The following DMXL1 variants were observed in gnomAD, a reference collection of about 807,000 sequenced individuals.
The protein encoded by DMXL1 is dmX-like protein 1.
A neutral mutation model predicts 319.2 loss-of-function variants in DMXL1; 99 were observed. The observed-to-expected ratio is 0.31, with a 90% CI of 0.26 to 0.37. The LOEUF (loss-of-function observed/expected upper bound fraction) is 0.37, where lower values mean the gene tolerates loss of function less well. Among genes scored for constraint, DMXL1 ranks in the 10% least tolerant of loss-of-function variants. DMXL1 has a pLI of 1.00. For synonymous variants in DMXL1, 1,385 were observed against 1,235.2 expected (o/e 1.12, Z -2.54); for missense variants, 3,745 against 3,595.6 (o/e 1.04, Z -1.06).
intron 41 of DMXL1, 63 bp from the exon 42 acceptor site, chr5:119,240,356 A>T: frequency 1.7e-6 from 2 of 1,178,730 alleles, no homozygotes; most frequent in Non-Finnish European, 1.2e-6. Flanking sequence ...ACAGTTATAT[A>T]TGACATATTT....
intron 1 of DMXL1, among the ~76,000 whole-genome samples, chr5:119,082,270 C>T (rs1011010750): frequency 6.6e-6 from 1 of 151,860 alleles, no homozygotes; most frequent in Non-Finnish European, 1.5e-5. Context: ...TGCCACCATG[C>T]CTGGCTTATT....
chr5:119,158,604 A>G (rs1200809310), intron 19 of DMXL1, among the ~76,000 whole-genome samples: 1 of 152,176 alleles, frequency 6.6e-6, no homozygotes, highest in Non-Finnish European at 1.5e-5. Flanking sequence ...GTTGGGTATG[A>G]TGTTTAGCTC....
chr5:119,230,236 G>C (rs1786422913), intron 38 of DMXL1, among the ~76,000 whole-genome samples: 1 of 152,136 alleles, frequency 6.6e-6, no homozygotes, highest in Admixed American at 6.5e-5. Context: ...ATTATATTTA[G>C]TGCTGGTAAC....
intron 39 of DMXL1, among the ~76,000 whole-genome samples, chr5:119,233,878 TTG>T (rs1355855724): frequency 1.3e-5 from 2 of 152,270 alleles, no homozygotes; most frequent in African/African-American, 2.4e-5. Flanking sequence ...CCCGATATTG[TTG>T]TGATTTTTAC....
intron 1 of DMXL1, among the ~76,000 whole-genome samples, chr5:119,097,739 A>G (rs1424865457): frequency 6.6e-6 from 1 of 152,082 alleles, no homozygotes; most frequent in African/African-American, 2.4e-5. Context: ...AAAAAAGTGG[A>G]CAGAGTTCAG....
chr5:119,134,052 G>C lies in DMXL1; in HGVS notation c.2128G>C (p.Val710Leu), dbSNP rs1464345915. The C allele has an allele frequency of 1.9e-6, 3 of 1,614,186 alleles. No individual in the cohort carries two copies. The highest frequency in any genetic ancestry group is 2.5e-6 in the Non-Finnish European group (3 of 1,180,032). Residue 710 changes from valine to leucine, a missense_variant, in exon 12 of 44, where the codon GTT (valine) becomes CTT (leucine). Val to Leu is a conservative substitution (Grantham distance 32). Transcript: ENST00000539542. ...TTACAGTGAGCTTATTCTGTGGAGG[G>C]TTGACCCAGTTGGGCCATTGTCTTT... ...AVYSELILWR[V>L]DPVGPLSFSG...
rs1428821501 is a variant in DMXL1, at chr5:119,143,855, A to G, written c.2391A>G (p.Glu797=). Residue 797 remains glutamate (E), a synonymous_variant, in exon 14 of 44, where the codon GAA becomes GAG. Transcript: ENST00000539542. ...SNPEISKYVG[E]VFNIVSQQST... Reference sequence around the variant, plus strand: ...AAAAAAAACAGAAATATGTTGGTGAAGTCTTTAACATCGTCAGTCAACAAT... The same window carrying G: ...AAAAAAAACAGAAATATGTTGGTGAGGTCTTTAACATCGTCAGTCAACAAT... 1.3e-6 allele frequency: 2 copies of G among 1,579,692 alleles called. No homozygotes were observed. Among genetic ancestry groups the G allele is most frequent in the African/African-American group, 2.7e-5 (2 of 73,346 alleles).
chr5:119,226,775 GT>G (rs1461038133), intron 38 of DMXL1, among the ~76,000 whole-genome samples: 1 of 152,142 alleles, frequency 6.6e-6, no homozygotes, highest in Non-Finnish European at 1.5e-5. Context: ...CCCTCCTTGG[GT>G]TTGATTAATT....
intron 13 of DMXL1, among the ~76,000 whole-genome samples, chr5:119,140,337 G>C (rs1348181513): frequency 2.0e-5 from 3 of 152,098 alleles, no homozygotes; most frequent in African/African-American, 7.2e-5. Flanking sequence ...CCAGGAAATG[G>C]CTGTTTGAAA....
chr5:119,125,680 T>G (rs1763379186), intron 9 of DMXL1, among the ~76,000 whole-genome samples: 1 of 152,008 alleles, frequency 6.6e-6, no homozygotes, highest in South Asian at 2.1e-4. Flanking sequence ...TTCTCCTGCC[T>G]CTGCCTCCCA....
chr5:119,150,281 A>G lies in DMXL1; in HGVS notation c.4454A>G (p.His1485Arg). The G allele has an allele frequency of 6.2e-6, 10 of 1,613,822 alleles. No individual in the cohort carries two copies. The highest frequency in any genetic ancestry group is 8.5e-6 in the Non-Finnish European group (10 of 1,179,838). The part of the protein sequence containing the change: ...QYSPTYFGPE[H>R]AQVLSGHLLH... ...AGTCCGACTTACTTTGGACCTGAGCATGCTCAGGTTCTTTCTGGCCACTTA... is the reference window on the plus strand; with the variant it reads ...AGTCCGACTTACTTTGGACCTGAGCGTGCTCAGGTTCTTTCTGGCCACTTA... Residue 1485 changes from histidine to arginine, a missense_variant, in exon 18 of 44, where the codon CAT (histidine) becomes CGT (arginine). Around this residue, in one of 4 missense-constraint regions of DMXL1, gnomAD observed 2,096 missense variants for 1,985.4 expected, o/e 1.06. Coordinates refer to ENST00000539542, the MANE Select transcript of DMXL1 (RefSeq NM_001290321.3).
At chr5:119,103,904 T>C (rs966445683) in intron 3 of DMXL1, among the ~76,000 whole-genome samples, 2 of 152,140 alleles carry the variant, frequency 1.3e-5, no homozygotes, top group Non-Finnish European at 2.9e-5. Flanking sequence ...TTATAATTGA[T>C]GAATGTAATG....
chr5:119,127,984 C>A (rs4286709), intron 9 of DMXL1: 240,525 of 409,292 alleles, frequency 0.59, 72,850 homozygotes, highest in East Asian at 0.97. Flanking sequence ...TATAAACAAC[C>A]CTGCACCCTG....
chr5:119,152,029 TCAC>T lies in DMXL1; in HGVS notation c.4698_4700del (p.His1566del). 1.9e-6 allele frequency: 3 copies of T among 1,606,972 alleles called. No homozygotes were observed. The highest frequency in any genetic ancestry group is 2.2e-5 in the East Asian group (1 of 44,680). On this transcript the variant is annotated inframe_deletion, in exon 19 of 44. Transcript: ENST00000539542. Reference sequence around the variant, plus strand: ...TTCCAGCCTATCGAGCTCAACTCCTTCACCAAGGTGATTTTGATAGTAATCTAT... The same window carrying T: ...TTCCAGCCTATCGAGCTCAACTCCTTCAAGGTGATTTTGATAGTAATCTAT...
chr5:119,155,159 C>T (rs1214327833), intron 19 of DMXL1, among the ~76,000 whole-genome samples: 1 of 152,190 alleles, frequency 6.6e-6, no homozygotes, highest in Non-Finnish European at 1.5e-5. Flanking sequence ...GTTTTTATGC[C>T]TGCTAACACA....
chr5:119,100,208 A>G (rs1756928348), intron 2 of DMXL1, among the ~76,000 whole-genome samples: 2 of 151,964 alleles, frequency 1.3e-5, no homozygotes, highest in African/African-American at 2.4e-5. Flanking sequence ...AGGCAGGTGG[A>G]TCATGAGGTC....
At chr5:119,157,067 G>C (rs1010331434) in intron 19 of DMXL1, among the ~76,000 whole-genome samples, 13 of 151,622 alleles carry the variant, frequency 8.6e-5, no homozygotes, top group African/African-American at 3.2e-4. Flanking sequence ...GCCCAGGCTG[G>C]AGTCAAACTC....
chr5:119,121,198 C>T, intron 9 of DMXL1, 59 bp downstream of exon 9: 3 of 1,340,848 alleles, frequency 2.2e-6, no homozygotes, highest in Non-Finnish European at 3.0e-6. Flanking sequence ...TTTATAACAA[C>T]TAAGTTATAC....
Position 119,171,208 on chromosome 5 carries a change from T to A in DMXL1, c.6417T>A (p.Leu2139=), listed in dbSNP as rs1263128700. ...LLRMFLSYCI[L]HGSHGGGLAS... The stretch of plus-strand genomic sequence containing the variant: ...GAATGTTTCTTAGTTACTGCATACT[T>A]CATGGATCCCATGGTGGGGGTCTTG... Residue 2139 remains leucine, a synonymous_variant, in exon 24 of 44, where the codon CTT becomes CTA. Transcript: ENST00000539542. The A allele has an allele frequency of 6.2e-7, 1 of 1,613,330 alleles. No individual in the cohort carries two copies. The highest frequency in any genetic ancestry group is 1.3e-5 in the African/African-American group (1 of 75,044).
Sources: allele counts gnomAD v4.1 joint callset (sites outside exome capture counted in the v4.1 genomes callset), GRCh38; gene constraint gnomAD v4.1.1; regional missense constraint gnomAD v4.1.1; transcripts MANE v1.5; gene names NCBI Gene and HGNC (gene_info 2026-07-23, HGNC 2026-07-21).